The following RAB3B variants were observed in gnomAD, a reference collection of about 807,000 sequenced individuals.
The protein encoded by RAB3B is ras-related protein Rab-3B.
In RAB3B, 11 loss-of-function variants were observed where a neutral mutation model predicts 20.5. The observed-to-expected ratio is 0.54, with a 90% confidence interval of 0.34 to 0.89. The LOEUF is 0.89. Among genes scored for constraint, RAB3B ranks in the 40% least tolerant of loss-of-function variants. RAB3B has a pLI of 0.02. For missense variants in RAB3B, 225 were observed against 280.9 expected (o/e 0.80, Z 1.42); for synonymous variants, 99 against 106.3 (o/e 0.93, Z 0.42).
chr1:51,932,803 T>C (rs1211692050), intron 4 of RAB3B, among the ~76,000 whole-genome samples: 2 of 152,162 alleles, frequency 1.3e-5, no homozygotes, highest in Non-Finnish European at 2.9e-5. Flanking sequence ...ACTAGGACAC[T>C]CTAAACCATG....
At chr1:51,927,892 G>A (rs1021319208) in intron 4 of RAB3B, among the ~76,000 whole-genome samples, 1 of 152,070 alleles carries the variant, frequency 6.6e-6, no homozygotes, top group Non-Finnish European at 1.5e-5. Context: ...GCCTCCCTGG[G>A]TTCTGGTCAG....
intron 4 of RAB3B, among the ~76,000 whole-genome samples, chr1:51,923,503 G>A: frequency 6.6e-6 from 1 of 152,100 alleles, no homozygotes; most frequent in Middle Eastern, 3.2e-3. Context: ...ATCACCTGAG[G>A]TCAGGAGTTA....
intron 2 of RAB3B, among the ~76,000 whole-genome samples, chr1:51,949,987 TAG>T (rs1303998115): frequency 6.6e-6 from 1 of 152,124 alleles, no homozygotes; most frequent in African/African-American, 2.4e-5. Context: ...CAGCTCTCAG[TAG>T]AGAGGGATCA....
rs532903586 is a variant in RAB3B, at chr1:51,976,332, ATTTGT to A, written c.228+553_228+557del. 1.4e-4 allele frequency among the ~76,000 whole-genome samples: 21 copies of A among 152,052 alleles called. No individual in the cohort carries two copies. In the South Asian group the frequency reaches 3.7e-3, roughly 27 times the overall value. On this transcript the variant is annotated intron_variant, in intron 2 of 4. Transcript: ENST00000371655. ...AGGAGCCCACCACCATGCCCAGCTAATTTGTTTTATTTTTTTGAGAGATGAGGTCT... is the reference window on the plus strand; with the variant it reads ...AGGAGCCCACCACCATGCCCAGCTAATTTATTTTTTTGAGAGATGAGGTCT...
rs988708182 is a variant in RAB3B, at chr1:51,977,068, T to C, written c.50A>G (p.Gln17Arg). The C allele has an allele frequency of 1.2e-6, 2 of 1,614,106 alleles. No individual in the cohort carries two copies. The highest frequency in any genetic ancestry group is 2.7e-5 in the African/African-American group (2 of 74,938). Reference protein sequence around the residue: ...GKTGVKDASDQNFDYMFKLLI... With the variant: ...GKTGVKDASDRNFDYMFKLLI... ...CAGTTTAAACATGTAGTCAAAATTC[T>C]GGTCAGAGGCATCTTTGACTCCAGT... The change falls in exon 2 of 5, where the codon CAG becomes CGG. Residue 17 changes from glutamine to arginine, a missense_variant. Gln to Arg is a conservative substitution (Grantham distance 43). Coordinates refer to ENST00000371655, the MANE Select transcript of RAB3B (RefSeq NM_002867.4).
At chr1:51,943,109 C>T (rs373728615) in intron 2 of RAB3B, among the ~76,000 whole-genome samples, 105 of 152,162 alleles carry the variant, frequency 6.9e-4, no homozygotes, top group Middle Eastern at 6.8e-3. Context: ...ATGGGCCCAG[C>T]GTGGTGGCTC....
At chr1:51,957,065 C>T (rs540468954) in intron 2 of RAB3B, among the ~76,000 whole-genome samples, 1 of 151,854 alleles carries the variant, frequency 6.6e-6, no homozygotes, top group South Asian at 2.1e-4. Context: ...TCTATATAAA[C>T]TCTTTTCATG....
chr1:51,952,587 T>C (rs1684655317), intron 2 of RAB3B, among the ~76,000 whole-genome samples: 1 of 152,166 alleles, frequency 6.6e-6, no homozygotes, highest in African/African-American at 2.4e-5. Context: ...TGCCTTATTG[T>C]TTCTGTACCC....
Position 51,911,707 on chromosome 1 carries a change from GA to G in RAB3B, c.*8219del, listed in dbSNP as rs1684001146. On this transcript the variant is annotated 3_prime_UTR_variant, in exon 5 of 5. Transcript: ENST00000371655. ...CCTTGTTTTCGCTTACTATAGACCA[GA>G]ATTTACACAGGGATGGAGAATAAGC... 1 of 152,182 alleles carries G rather than the reference GA, an allele frequency of 6.6e-6. No individual in the cohort carries two copies. 9.4% of individuals were successfully genotyped at this position (152,182 alleles called of 1,614,324 possible). A position where few individuals can be genotyped will look rare whatever the true frequency, so the allele number is the denominator to read the frequency against.
chr1:51,950,836 A>G (rs1040120553), intron 2 of RAB3B, among the ~76,000 whole-genome samples: 1 of 152,188 alleles, frequency 6.6e-6, no homozygotes, highest in African/African-American at 2.4e-5. Context: ...TCCGACCCAC[A>G]GCTGCTCAGC....
At chr1:51,957,436 G>C (rs549964789) in intron 2 of RAB3B, among the ~76,000 whole-genome samples, 5 of 152,118 alleles carry the variant, frequency 3.3e-5, no homozygotes, top group Non-Finnish European at 7.3e-5. Context: ...CAGTGTGAAG[G>C]GCAGCAGAAA....
chr1:51,942,848 C>T (rs1453680391), intron 2 of RAB3B, among the ~76,000 whole-genome samples: 1 of 152,078 alleles, frequency 6.6e-6, no homozygotes, highest in Non-Finnish European at 1.5e-5. Flanking sequence ...TTTGGTATTT[C>T]TCACAATATT....
At position 51,951,263 on chromosome 1, in the gene RAB3B, C is replaced by T. The variant is rs149773968; in HGVS notation, c.229-13851G>A. On this transcript the variant is annotated intron_variant, in intron 2 of 4. Coordinates refer to ENST00000371655, the MANE Select transcript of RAB3B (RefSeq NM_002867.4). Reference sequence around the variant, plus strand: ...CTGATCCCATTACCCAGGTAATGAGCATAGTACCCAATGGGCAGTTTTGCA... The same window carrying T: ...CTGATCCCATTACCCAGGTAATGAGTATAGTACCCAATGGGCAGTTTTGCA... Among the ~76,000 whole-genome samples, 29 of 151,990 alleles carry T rather than the reference C, an allele frequency of 1.9e-4. 1 individual carries two copies. The East Asian group carries it at 5.4e-3, about 28-fold the overall frequency.
chr1:51,964,428 T>C (rs983689912), intron 2 of RAB3B, among the ~76,000 whole-genome samples: 1 of 151,680 alleles, frequency 6.6e-6, no homozygotes, highest in African/African-American at 2.4e-5. Context: ...GAACCTTTTC[T>C]TCTTCCTGCC....
chr1:51,984,884 T>C (rs1487602202), intron 1 of RAB3B, among the ~76,000 whole-genome samples: 11 of 152,204 alleles, frequency 7.2e-5, no homozygotes, highest in Non-Finnish European at 1.5e-5. Context: ...TGGATTATTA[T>C]TTCCATTTGA....
intron 1 of RAB3B, among the ~76,000 whole-genome samples, chr1:51,978,594 C>T (rs181108685): frequency 1.1e-4 from 17 of 152,330 alleles, no homozygotes; most frequent in Admixed American, 9.8e-4. Flanking sequence ...CACTTGGTCA[C>T]ATGGTCTTAT....
rs1684171425 is a variant in RAB3B, at chr1:51,921,481, T to C, written c.473-1367A>G. ...GCTGTCTCCAAAGTCCACACACAGC[T>C]CTGCCTCTCATTTCTTCCCCCTTTT... is the stretch of plus-strand genomic sequence containing the variant. On this transcript the variant is annotated intron_variant, in intron 4 of 4. Transcript: ENST00000371655. 2.0e-5 allele frequency among the ~76,000 whole-genome samples: 3 copies of C among 152,264 alleles called. No individual in the cohort carries two copies. In the South Asian group the frequency reaches 6.2e-4, roughly 32 times the overall value.
intron 2 of RAB3B, among the ~76,000 whole-genome samples, chr1:51,953,596 G>A (rs1442411441): frequency 2.6e-5 from 4 of 152,192 alleles, no homozygotes; most frequent in African/African-American, 9.6e-5. Flanking sequence ...CTGAGTTCAG[G>A]AGTTCGAGAC....
At chr1:51,978,692 G>T (rs1395627564) in intron 1 of RAB3B, among the ~76,000 whole-genome samples, 5 of 152,162 alleles carry the variant, frequency 3.3e-5, no homozygotes, top group African/African-American at 1.2e-4. Context: ...TCAGCACAAG[G>T]GTACCCAGAT....
Sources: allele counts gnomAD v4.1 joint callset (sites outside exome capture counted in the v4.1 genomes callset), GRCh38; gene constraint gnomAD v4.1.1; transcripts MANE v1.5; gene names NCBI Gene and HGNC (gene_info 2026-07-23, HGNC 2026-07-21).